Variants in ELAVL2 observed in about 807,000 individuals in gnomAD.
The protein encoded by ELAVL2 is ELAV-like protein 2.
In ELAVL2, 4 loss-of-function variants were observed where a neutral mutation model predicts 34.6. The ratio of observed to expected loss-of-function variants is 0.12; its 90% CI spans 0.06 to 0.26. The LOEUF (loss-of-function observed/expected upper bound fraction) is 0.26, where lower values mean the gene tolerates loss of function less well. Among genes scored for constraint, ELAVL2 ranks in the 10% least tolerant of loss-of-function variants. The pLI, the probability that ELAVL2 is intolerant of heterozygous loss-of-function variation, is 1.00. For synonymous variants in ELAVL2, 193 were observed against 154.8 expected (o/e 1.25, Z -1.83); for missense variants, 432 against 442.8 (o/e 0.98, Z 0.22).
At chr9:23,778,832 A>G (rs551132646) in intron 1 of ELAVL2, among the ~76,000 whole-genome samples, 7 of 152,312 alleles carry the variant, frequency 4.6e-5, no homozygotes, top group Admixed American at 2.6e-4. Flanking sequence ...ACATCCTAAT[A>G]TGACTGCCAC....
rs2037227728 is a variant in ELAVL2, at chr9:23,701,565, C to T, written c.527G>A (p.Arg176Gln). Residue 176 changes from arginine to glutamine, a missense_variant, in exon 5 of 7, where the codon CGA becomes CAA. This residue lies in a region of ELAVL2 where 295 missense variants were observed against 306.1 expected (regional missense o/e 0.96). Transcript: ENST00000397312. ...RGVGFIRFDKRIEAEEAIKGL... is the reference protein window; with the variant it reads ...RGVGFIRFDKQIEAEEAIKGL... ...TTTGATAGCTTCTTCTGCCTCAATT[C>T]GCTTGTCAAATCGAATAAACCCTAC... The T allele has an allele frequency of 1.9e-6, 3 of 1,614,044 alleles. No homozygotes were observed. Among genetic ancestry groups the T allele is most frequent in the South Asian group, 1.1e-5 (1 of 91,084 alleles).
chr9:23,755,234 A>C (rs1473765), intron 2 of ELAVL2, among the ~76,000 whole-genome samples: 1 of 152,150 alleles, frequency 6.6e-6, no homozygotes, highest in South Asian at 2.1e-4. Context: ...TGTTTTTCCT[A>C]ACAATGATAA....
At chr9:23,766,679 A>G (rs1286525340) in intron 1 of ELAVL2, among the ~76,000 whole-genome samples, 1 of 152,162 alleles carries the variant, frequency 6.6e-6, no homozygotes, top group Non-Finnish European at 1.5e-5. Flanking sequence ...CACCCCAGAC[A>G]GTCTTCTCCG....
At chr9:23,794,501 C>A (rs1449984446) in intron 1 of ELAVL2, among the ~76,000 whole-genome samples, 1 of 152,186 alleles carries the variant, frequency 6.6e-6, no homozygotes, top group Non-Finnish European at 1.5e-5. Context: ...AAAATATATA[C>A]CCTAATCCAT....
intron 3 of ELAVL2, among the ~76,000 whole-genome samples, chr9:23,730,186 A>G (rs1024960370): frequency 4.6e-5 from 7 of 152,192 alleles, no homozygotes; most frequent in Admixed American, 1.3e-4. Flanking sequence ...TAGAGGCGAC[A>G]TCCCTCTTAT....
intron 3 of ELAVL2, among the ~76,000 whole-genome samples, chr9:23,714,552 T>C (rs1158998727): frequency 6.6e-6 from 1 of 152,196 alleles, no homozygotes; most frequent in Non-Finnish European, 1.5e-5. Flanking sequence ...GCCCCAAAAT[T>C]TTATTTCTCC....
chr9:23,748,746 G>C (rs1284531342), intron 2 of ELAVL2, among the ~76,000 whole-genome samples: 1 of 152,118 alleles, frequency 6.6e-6, no homozygotes, highest in Non-Finnish European at 1.5e-5. Flanking sequence ...ACTTATTTCA[G>C]GGGGAGGGGT....
intron 2 of ELAVL2, among the ~76,000 whole-genome samples, chr9:23,749,707 T>A (rs1432717514): frequency 1.3e-5 from 2 of 152,124 alleles, no homozygotes; most frequent in Non-Finnish European, 2.9e-5. Flanking sequence ...GGTGAACATT[T>A]CATTTAAAGT....
chr9:23,807,324 C>T (rs1197895197), intron 1 of ELAVL2, among the ~76,000 whole-genome samples: 1 of 152,104 alleles, frequency 6.6e-6, no homozygotes, highest in Non-Finnish European at 1.5e-5. Flanking sequence ...AATTCACTTC[C>T]TCATTTTCCT....
rs190845177 is a variant in ELAVL2, at chr9:23,788,927, C to G, written c.-15-26678G>C. Among the ~76,000 whole-genome samples the G allele has an allele frequency of 3.1e-3, 472 of 152,236 alleles. 3 individuals carry two copies. Among genetic ancestry groups the G allele is most frequent in the Non-Finnish European group, 4.7e-3 (318 of 68,014 alleles). ...GTGAATTGTTTATGCCTGGAATTTT[C>G]CATTTAATATTTGTGAACCACAGTT... On this transcript the variant is annotated intron_variant, in intron 1 of 6. Transcript: ENST00000397312.
chr9:23,754,236 T>G (rs1328924570), intron 2 of ELAVL2, among the ~76,000 whole-genome samples: 1 of 152,132 alleles, frequency 6.6e-6, no homozygotes, highest in Non-Finnish European at 1.5e-5. Flanking sequence ...GATTAATGAA[T>G]TACTAGAGAA....
chr9:23,699,833 T>A, intron 5 of ELAVL2, among the ~76,000 whole-genome samples: 1 of 87,190 alleles, frequency 1.1e-5, no homozygotes, highest in African/African-American at 5.0e-5. Context: ...TTTTTTTTTT[T>A]TTTTTTTTTT....
intron 1 of ELAVL2, among the ~76,000 whole-genome samples, chr9:23,767,180 A>T (rs2056446150): frequency 6.6e-6 from 1 of 152,184 alleles, no homozygotes; most frequent in African/African-American, 2.4e-5. Flanking sequence ...ACTTTTATAC[A>T]CACAGGTACT....
At chr9:23,702,910 C>T (rs1461429489) in intron 4 of ELAVL2, among the ~76,000 whole-genome samples, 1 of 118,278 alleles carries the variant, frequency 8.5e-6, no homozygotes, top group East Asian at 2.8e-4. Flanking sequence ...AATTAATAAC[C>T]TCTAGAATTT....
chr9:23,694,929 A>G (rs1315832035), intron 5 of ELAVL2, among the ~76,000 whole-genome samples: 2 of 152,184 alleles, frequency 1.3e-5, no homozygotes, highest in African/African-American at 4.8e-5. Context: ...ACTGAGCACA[A>G]GCCAGGGTCA....
In ELAVL2 at chr9:23,726,625, G is replaced by A. The variant is rs74613053; in HGVS notation, c.333+4397C>T. Among the ~76,000 whole-genome samples, 78 of 152,122 alleles carry A rather than the reference G, an allele frequency of 5.1e-4. 1 individual carries two copies. Among genetic ancestry groups the A allele is most frequent in the Admixed American group, 8.5e-4 (13 of 15,266 alleles). On this transcript the variant is annotated intron_variant, in intron 3 of 6. Transcript: ENST00000397312. Reference sequence around the variant, plus strand: ...AGCTGAGAGAGATGCTGGGAGCCACGTATCCATTTCACTGTGTTATGTGAT... The same window carrying A: ...AGCTGAGAGAGATGCTGGGAGCCACATATCCATTTCACTGTGTTATGTGAT...
intron 1 of ELAVL2, among the ~76,000 whole-genome samples, chr9:23,776,520 A>G (rs1037192890): frequency 1.3e-5 from 2 of 152,144 alleles, no homozygotes; most frequent in African/African-American, 4.8e-5. Context: ...GAAAAGCAAC[A>G]TTCCTGATCT....
chr9:23,828,145 G>A (rs917209090), upstream of ELAVL2, among the ~76,000 whole-genome samples: 3 of 151,966 alleles, frequency 2.0e-5, no homozygotes, highest in Non-Finnish European at 2.9e-5. Flanking sequence ...GATTGGGTTT[G>A]TAGTCATCTT....
chr9:23,714,730 G>T (rs899727571), intron 3 of ELAVL2, among the ~76,000 whole-genome samples: 1 of 152,052 alleles, frequency 6.6e-6, no homozygotes. Flanking sequence ...AAGGTTATGG[G>T]TATGTTTCTG....
Sources: gnomAD v4.1 joint callset for allele counts (sites outside exome capture counted in the v4.1 genomes callset) on GRCh38, gnomAD v4.1.1 for gene constraint, gnomAD v4.1.1 regional missense constraint, MANE v1.5 for transcripts, NCBI Gene and HGNC (gene_info 2026-07-23, HGNC 2026-07-21) for gene names.